ABTB3: variants seen among roughly 807,000 people sequenced by gnomAD.
ABTB3 encodes ankyrin repeat and BTB domain containing 3, also known as ankyrin repeat- and BTB/POZ domain-containing protein 3.
chr12:107,324,320 A>C, the ABTB3 span, among the ~76,000 whole-genome samples: 1 of 152,172 alleles, frequency 6.6e-6, no homozygotes, highest in Non-Finnish European at 1.5e-5. Context: ...GATTGATGCC[A>C]TGGGCACAGC....
the ABTB3 span, among the ~76,000 whole-genome samples, chr12:107,363,956 T>G: frequency 2.6e-5 from 4 of 152,218 alleles, no homozygotes; most frequent in South Asian, 8.3e-4. Context: ...TCTTCTTTGC[T>G]TTAGTTTCTT....
the ABTB3 span, among the ~76,000 whole-genome samples, chr12:107,523,203 C>A: frequency 6.6e-6 from 1 of 152,190 alleles, no homozygotes; most frequent in Non-Finnish European, 1.5e-5. Context: ...ATTAAACTTA[C>A]GGCCTGCACC....
chr12:107,320,704 G>A, the ABTB3 span: 1 of 455,966 alleles, frequency 2.2e-6, no homozygotes, highest in Non-Finnish European at 4.4e-6. Flanking sequence ...AGTTTTTGAG[G>A]GCTAGAGCAC....
chr12:107,597,363 C>T, the ABTB3 span, among the ~76,000 whole-genome samples: 5 of 152,266 alleles, frequency 3.3e-5, no homozygotes, highest in African/African-American at 9.6e-5. Context: ...ATTTGGCTCA[C>T]AGTTCTAGAG....
the ABTB3 span, among the ~76,000 whole-genome samples, chr12:107,535,293 GCCATATATGACACAC>G: frequency 6.6e-6 from 1 of 152,046 alleles, no homozygotes; most frequent in Non-Finnish European, 1.5e-5. Context: ...CACAGTGAAG[GCCATATATGACACAC>G]CCACAGCTAA....
the ABTB3 span, among the ~76,000 whole-genome samples, chr12:107,527,741 C>A: frequency 1.3e-5 from 2 of 152,206 alleles, no homozygotes; most frequent in African/African-American, 4.8e-5. Context: ...GTTCCTTCAT[C>A]TCTCCTTCTC....
chr12:107,419,583 C>T, the ABTB3 span, among the ~76,000 whole-genome samples: 1 of 152,296 alleles, frequency 6.6e-6, no homozygotes, highest in African/African-American at 2.4e-5. Context: ...ACTTTGTCTA[C>T]AGCCGCTCTC....
the ABTB3 span, among the ~76,000 whole-genome samples, chr12:107,401,681 G>A: frequency 1.3e-5 from 2 of 152,198 alleles, no homozygotes; most frequent in Non-Finnish European, 2.9e-5. Flanking sequence ...GGTTGCCTCT[G>A]GCATTTTGAC....
chr12:107,431,131 T>C, the ABTB3 span, among the ~76,000 whole-genome samples: 1 of 152,244 alleles, frequency 6.6e-6, no homozygotes, highest in Non-Finnish European at 1.5e-5. Context: ...TGAAGCCTGT[T>C]AGACCCAGGT....
At chr12:107,550,579 CTTTCT>C in the ABTB3 span, among the ~76,000 whole-genome samples, 7 of 141,234 alleles carry the variant, frequency 5.0e-5, no homozygotes, top group South Asian at 2.2e-4. Context: ...TTCTTTCTTT[CTTTCT>C]TTTTTTTTTT....
the ABTB3 span, among the ~76,000 whole-genome samples, chr12:107,484,046 A>G: frequency 1.8e-4 from 28 of 152,198 alleles, no homozygotes; most frequent in Admixed American, 1.8e-3. Flanking sequence ...CCTGTGCCTC[A>G]TAAAGAAGTG....
the ABTB3 span, among the ~76,000 whole-genome samples, chr12:107,506,009 C>T: frequency 8.7e-3 from 1,323 of 152,192 alleles, 24 homozygotes; most frequent in African/African-American, 0.028. Context: ...ATGCATGTGT[C>T]TTTATAATAG....
chr12:107,424,526 G>T, the ABTB3 span, among the ~76,000 whole-genome samples: 1 of 152,226 alleles, frequency 6.6e-6, no homozygotes, highest in East Asian at 1.9e-4. Context: ...AGCCAAGGAT[G>T]GGTTTGAGCC....
the ABTB3 span, among the ~76,000 whole-genome samples, chr12:107,572,816 G>T: frequency 1.6e-4 from 24 of 152,276 alleles, no homozygotes; most frequent in African/African-American, 5.3e-4. Flanking sequence ...GCAGGGTCAA[G>T]GTTGTTGTTA....
chr12:107,421,895 T>C, the ABTB3 span, among the ~76,000 whole-genome samples: 2 of 152,320 alleles, frequency 1.3e-5, no homozygotes, highest in Non-Finnish European at 2.9e-5. Context: ...AAATACTTAC[T>C]GAGCACCTAT....
the ABTB3 span, among the ~76,000 whole-genome samples, chr12:107,607,039 C>T: frequency 1.3e-5 from 2 of 152,178 alleles, 1 homozygote; most frequent in East Asian, 3.9e-4. Context: ...AAGGGGTCCC[C>T]CCTCCTCCCC....
At chr12:107,656,345 A>G in the ABTB3 span, among the ~76,000 whole-genome samples, 7 of 152,136 alleles carry the variant, frequency 4.6e-5, no homozygotes, top group African/African-American at 1.7e-4. Context: ...AAAAAATTAT[A>G]ATCTAGGACA....
At chr12:107,462,246 T>A in the ABTB3 span, among the ~76,000 whole-genome samples, 18 of 152,258 alleles carry the variant, frequency 1.2e-4, no homozygotes, top group Non-Finnish European at 1.5e-5. Flanking sequence ...TAATATTCAA[T>A]GAATGAAACT....
chr12:107,479,463 T>A, the ABTB3 span, among the ~76,000 whole-genome samples: 2 of 152,076 alleles, frequency 1.3e-5, no homozygotes, highest in African/African-American at 4.8e-5. Flanking sequence ...TGGTCTCCAC[T>A]TTATAGGGCT....
Sources: gnomAD v4.1 joint callset for allele counts (sites outside exome capture counted in the v4.1 genomes callset) on GRCh38, gnomAD v4.1.1 for gene constraint, MANE v1.5 for transcripts, NCBI Gene and HGNC (gene_info 2026-07-23, HGNC 2026-07-21) for gene names.